Variants in GUCY1A1 observed in about 807,000 individuals in gnomAD.
GUCY1A1 encodes the protein guanylate cyclase 1 soluble subunit alpha 1.
GUCY1A1 carries 48 observed loss-of-function variants against 64.5 expected under a neutral mutation model. The observed-to-expected ratio is 0.74, with a 90% CI of 0.59 to 0.95. The LOEUF is 0.95. Among genes scored for constraint, GUCY1A1 ranks in the 40% least tolerant of loss-of-function variants. The pLI, the probability that GUCY1A1 is intolerant of heterozygous loss-of-function variation, is 0.00. For synonymous variants in GUCY1A1, 308 were observed against 303.4 expected (o/e 1.02, Z -0.16); for missense variants, 804 against 825.3 (o/e 0.97, Z 0.32).
At chr4:155,712,276 C>G (rs1456524379) in intron 6 of GUCY1A1, among the ~76,000 whole-genome samples, 2 of 152,186 alleles carry the variant, frequency 1.3e-5, no homozygotes, top group Non-Finnish European at 2.9e-5. Context: ...GGATTACAGG[C>G]TTGCACCACC....
Position 155,710,987 on chromosome 4 carries a change from G to A in GUCY1A1, c.822G>A (p.Ser274=), listed in dbSNP as rs148529562. 3.5e-4 allele frequency: 565 copies of A among 1,613,490 alleles called. No individual in the cohort carries two copies. The highest frequency in any genetic ancestry group is 4.4e-4 in the Non-Finnish European group (522 of 1,179,458). Reference sequence around the variant, plus strand: ...TGTCCCCCAGCAAACCCCAGTCCTCGCTGGTGATTCCCACATCGCTATTCT... The same window carrying A: ...TGTCCCCCAGCAAACCCCAGTCCTCACTGGTGATTCCCACATCGCTATTCT... ...PSLSPSKPQS[S]LVIPTSLFCK... Residue 274 remains serine, a synonymous_variant, in exon 6 of 10, where the codon TCG becomes TCA. Transcript: ENST00000506455.
At chr4:155,708,105 G>A (rs979686146) in intron 4 of GUCY1A1, 131 bp from the exon 5 acceptor site, 79 of 513,048 alleles carry the variant, frequency 1.5e-4, no homozygotes, top group South Asian at 2.5e-5. Flanking sequence ...CCAAAGTGCT[G>A]GGATTACAGG....
rs544661301 is a variant in GUCY1A1 at position 155,710,921 on chromosome 4, C to T, written c.756C>T (p.Tyr252=). The change falls in exon 6 of 10, where the codon TAC becomes TAT. Residue 252 remains tyrosine, a synonymous_variant. Coordinates refer to ENST00000506455, the MANE Select transcript of GUCY1A1 (RefSeq NM_001130682.3). ...GCAGCGAGTTTGTGAATCAGCCCTA[C>T]TTGTTGTACTCCGTTCACATGAAAA... ...NDCSEFVNQP[Y]LLYSVHMKST... 16 of 1,614,122 alleles carry T rather than the reference C, an allele frequency of 9.9e-6. No individual in the cohort carries two copies. The East Asian group carries it at 3.3e-4, about 34-fold the overall frequency.
intron 2 of GUCY1A1, among the ~76,000 whole-genome samples, chr4:155,678,385 A>G (rs1322231828): frequency 2.6e-5 from 4 of 152,358 alleles, no homozygotes; most frequent in African/African-American, 9.6e-5. Context: ...TGTGTCTTGA[A>G]CAAGGTAAAC....
intron 7 of GUCY1A1, among the ~76,000 whole-genome samples, chr4:155,713,816 C>T (rs1402745034): frequency 6.6e-6 from 1 of 152,118 alleles, no homozygotes; most frequent in Admixed American, 6.6e-5. Flanking sequence ...CCACACTGTC[C>T]TCTCAAAGAA....
intron 2 of GUCY1A1, among the ~76,000 whole-genome samples, chr4:155,689,387 A>G (rs565073349): frequency 1.3e-3 from 192 of 152,264 alleles, no homozygotes; most frequent in Non-Finnish European, 2.5e-3. Context: ...TTTCCTCATG[A>G]TCAGCATGAT....
chr4:155,684,359 C>G (rs1409145631), intron 2 of GUCY1A1, among the ~76,000 whole-genome samples: 1 of 139,324 alleles, frequency 7.2e-6, no homozygotes, highest in Admixed American at 7.6e-5. Context: ...TATGTAAAAA[C>G]TTGGCAGAAT....
intron 3 of GUCY1A1, 28 bp from the exon 4 acceptor site, chr4:155,703,904 G>A: frequency 2.1e-6 from 3 of 1,453,896 alleles, no homozygotes; most frequent in South Asian, 2.4e-5. Context: ...ATAAGGGAAT[G>A]TTTAAAACAT....
chr4:155,711,424 T>C (rs890776198), intron 6 of GUCY1A1, 173 bp downstream of exon 6: 6 of 465,978 alleles, frequency 1.3e-5, no homozygotes, highest in Non-Finnish European at 2.3e-5. Context: ...TTTCTGCATT[T>C]GTTTGCTTAC....
chr4:155,677,177 G>A (rs2062174), intron 2 of GUCY1A1, among the ~76,000 whole-genome samples: 76,648 of 151,846 alleles, frequency 0.5, 20,593 homozygotes, highest in East Asian at 0.83. Context: ...GAATGAATGA[G>A]TGAGTGAATA....
chr4:155,685,749 T>C (rs1207665398), intron 2 of GUCY1A1, among the ~76,000 whole-genome samples: 1 of 152,124 alleles, frequency 6.6e-6, no homozygotes, highest in Non-Finnish European at 1.5e-5. Flanking sequence ...GCTGTATAAG[T>C]TTCTTGTCCT....
At position 155,735,765 on chromosome 4, in the gene GUCY1A1, A is replaced by G. The variant is rs1284025802; in HGVS notation, c.*5534A>G. The G allele has an allele frequency of 6.6e-6, 1 of 151,978 alleles. No individual in the cohort carries two copies. The highest frequency in any genetic ancestry group is 1.5e-5 in the Non-Finnish European group (1 of 67,952). 9.4% of individuals were successfully genotyped at this position (151,978 alleles called of 1,614,324 possible). ...CAAAACAAAGCAAAACAAAAATGCT[A>G]TTACAGAAGTTGGACAGCCCAATGT... On this transcript the variant is annotated 3_prime_UTR_variant, in exon 10 of 10. Transcript: ENST00000506455.
In GUCY1A1 at chr4:155,722,179, C is replaced by A; in HGVS notation, c.1858C>A (p.Pro620Thr). ...TGTACCACGAAAAATCAATGTCAGC[C>A]CAACAACTTACAGGTAGTAATTATG... ...CSVPRKINVS[P>T]TTYRLLKDCP... Residue 620 changes from proline to threonine, a missense_variant, in exon 9 of 10, where the codon CCA becomes ACA. Coordinates refer to ENST00000506455, the MANE Select transcript of GUCY1A1 (RefSeq NM_001130682.3). The A allele has an allele frequency of 6.2e-7, 1 of 1,612,222 alleles. No individual in the cohort carries two copies. The highest frequency in any genetic ancestry group is 8.5e-7 in the Non-Finnish European group (1 of 1,178,770).
intron 9 of GUCY1A1, 150 bp from the exon 10 acceptor site, chr4:155,729,880 G>C: frequency 1.7e-6 from 1 of 571,748 alleles, no homozygotes; most frequent in Admixed American, 3.1e-5. Flanking sequence ...CTTCTGGGAA[G>C]ATGTCTGTTA....
chr4:155,730,189 T>C lies in GUCY1A1; in HGVS notation c.2031T>C (p.Asp677=), dbSNP rs747007547. The C allele has an allele frequency of 5.0e-6, 8 of 1,611,242 alleles. No individual in the cohort carries two copies. The South Asian group carries it at 6.6e-5, about 13-fold the overall frequency. ...GCTTCCAAAAGAAAGATGTGGAAGA[T>C]GGCAATGCCAATTTTTTAGGCAAAG... The part of the protein sequence containing the change: ...KPCFQKKDVE[D]GNANFLGKAS... The change falls in exon 10 of 10, where the codon GAT becomes GAC. Residue 677 remains aspartate (D), a synonymous_variant. Transcript: ENST00000506455.
intron 2 of GUCY1A1, among the ~76,000 whole-genome samples, chr4:155,678,284 T>C (rs1735237223): frequency 6.6e-6 from 1 of 152,172 alleles, no homozygotes; most frequent in African/African-American, 2.4e-5. Context: ...GTTATGAAAA[T>C]AGTTCTGACC....
At chr4:155,720,549 C>T (rs1733843067) in intron 8 of GUCY1A1, among the ~76,000 whole-genome samples, 1 of 152,072 alleles carries the variant, frequency 6.6e-6, no homozygotes, top group Admixed American at 6.6e-5. Flanking sequence ...AGTAAAGAGA[C>T]TTAAGGAAGC....
At chr4:155,717,896 C>G (rs1307677549) in intron 8 of GUCY1A1, among the ~76,000 whole-genome samples, 1 of 152,186 alleles carries the variant, frequency 6.6e-6, no homozygotes, top group African/African-American at 2.4e-5. Flanking sequence ...ATTTACCAAG[C>G]CTAACTGCAT....
At chr4:155,689,781 C>T (rs746361828) in intron 2 of GUCY1A1, among the ~76,000 whole-genome samples, 1 of 152,134 alleles carries the variant, frequency 6.6e-6, no homozygotes, top group African/African-American at 2.4e-5. Flanking sequence ...GCGGTTGCCA[C>T]CCGGCGAGTC....
Sources: gnomAD v4.1 joint callset for allele counts (sites outside exome capture counted in the v4.1 genomes callset) on GRCh38, gnomAD v4.1.1 for gene constraint, MANE v1.5 for transcripts, NCBI Gene and HGNC (gene_info 2026-07-23, HGNC 2026-07-21) for gene names.